Variants in EHHADH observed in about 807,000 individuals in gnomAD.
EHHADH encodes enoyl-CoA hydratase and 3-hydroxyacyl CoA dehydrogenase, also known as peroxisomal bifunctional enzyme.
A neutral mutation model predicts 64.4 loss-of-function variants in EHHADH; 48 were observed. The ratio of observed to expected loss-of-function variants is 0.75; its 90% CI spans 0.59 to 0.95. EHHADH has a LOEUF of 0.95. EHHADH is among the 40% of genes least tolerant of loss of function. The pLI is 0.00. For missense variants in EHHADH, 854 were observed against 876.6 expected (o/e 0.97, Z 0.33); for synonymous variants, 308 against 326.7 (o/e 0.94, Z 0.62).
At chr3:185,193,535 G>T in intron 6 of EHHADH, 48 bp from the exon 7 acceptor site, 2 of 1,581,484 alleles carry the variant, frequency 1.3e-6, no homozygotes, top group South Asian at 2.3e-5. Context: ...GTGGTATTGG[G>T]AACTGATAAA....
intron 5 of EHHADH, among the ~76,000 whole-genome samples, chr3:185,210,368 C>T (rs534269636): frequency 1.2e-4 from 19 of 152,088 alleles, no homozygotes; most frequent in African/African-American, 4.6e-4. Context: ...GAATCTTTGC[C>T]GGGCACAGTG....
intron 5 of EHHADH, among the ~76,000 whole-genome samples, chr3:185,210,463 G>A (rs1042071085): frequency 1.3e-4 from 20 of 151,786 alleles, no homozygotes; most frequent in Admixed American, 3.9e-4. Flanking sequence ...GTGAAACCCC[G>A]TCTCTACTAA....
chr3:185,192,696 A>C lies in EHHADH; in HGVS notation c.1702T>G (p.Leu568Val). Residue 568 changes from leucine (L) to valine (V), a missense_variant, in exon 7 of 7, where the codon TTA becomes GTA. Physicochemically the swap from Leu to Val is conservative, Grantham distance 32. Transcript: ENST00000231887. Reference protein sequence around the residue: ...YCPIPDVLCELGRFGQKTGKG... With the variant: ...YCPIPDVLCEVGRFGQKTGKG... Reference sequence around the variant, plus strand: ...CCTGTCTTCTGGCCAAATCGTCCTAATTCACAGAGCACATCAGGAATTGGG... The same window carrying C: ...CCTGTCTTCTGGCCAAATCGTCCTACTTCACAGAGCACATCAGGAATTGGG... The C allele has an allele frequency of 6.2e-7, 1 of 1,614,150 alleles. No individual in the cohort carries two copies. Among genetic ancestry groups the C allele is most frequent in the Middle Eastern group, 1.6e-4 (1 of 6,062 alleles).
intron 6 of EHHADH, among the ~76,000 whole-genome samples, chr3:185,201,079 A>T (rs978007742): frequency 2.6e-5 from 4 of 152,166 alleles, no homozygotes; most frequent in Non-Finnish European, 5.9e-5. Context: ...ACAAGGAAAG[A>T]TATGAGGTGG....
At chr3:185,235,657 T>C (rs573015041) in intron 2 of EHHADH, among the ~76,000 whole-genome samples, 195 bp from the exon 3 acceptor site, 23 of 152,196 alleles carry the variant, frequency 1.5e-4, no homozygotes, top group Non-Finnish European at 2.9e-4. Flanking sequence ...AACAAGTATA[T>C]TGGAGAATGT....
chr3:185,215,861 T>G (rs1051717322), intron 5 of EHHADH, among the ~76,000 whole-genome samples: 2 of 152,196 alleles, frequency 1.3e-5, no homozygotes, highest in African/African-American at 4.8e-5. Flanking sequence ...ATAATGATCA[T>G]TACTCTATAC....
intron 4 of EHHADH, among the ~76,000 whole-genome samples, chr3:185,229,209 T>A (rs1473162203): frequency 3.3e-5 from 5 of 152,258 alleles, no homozygotes; most frequent in Non-Finnish European, 7.3e-5. Flanking sequence ...GCTCTTTGCA[T>A]GCACTTTCAT....
chr3:185,217,755 T>G (rs1419603340), intron 5 of EHHADH, among the ~76,000 whole-genome samples: 1 of 100,098 alleles, frequency 1.0e-5, no homozygotes, highest in Non-Finnish European at 2.1e-5. Context: ...TTACCCAGCC[T>G]CAGGATTTTC....
chr3:185,238,884 C>T (rs570188208), intron 2 of EHHADH, among the ~76,000 whole-genome samples: 2 of 152,186 alleles, frequency 1.3e-5, no homozygotes, highest in South Asian at 4.1e-4. Context: ...AAAGAGATTT[C>T]CTAAATATTC....
chr3:185,192,876 C>T lies in EHHADH; in HGVS notation c.1522G>A (p.Val508Met). Residue 508 changes from valine (V) to methionine (M), a missense_variant, in exon 7 of 7, where the codon GTG becomes ATG. Val to Met is a conservative substitution (Grantham distance 21). Coordinates refer to ENST00000231887, the MANE Select transcript of EHHADH (RefSeq NM_001966.4). ...ATTTTAAAACCAAACTCTTCCAGCA[C>T]CTGATCTACCTCCTCTGGTTTGCTG... ...EGSKPEEVDQ[V>M]LEEFGFKMGP... 2.5e-6 allele frequency: 4 copies of T among 1,614,166 alleles called. No homozygotes were observed. Among genetic ancestry groups the T allele is most frequent in the African/African-American group, 1.3e-5 (1 of 75,054 alleles).
At chr3:185,209,902 G>A (rs1206774798) in intron 5 of EHHADH, among the ~76,000 whole-genome samples, 2 of 152,148 alleles carry the variant, frequency 1.3e-5, no homozygotes, top group Admixed American at 6.5e-5. Context: ...GTATCCAATA[G>A]GCCCACCAAT....
chr3:185,225,365 A>C (rs2108641712), intron 4 of EHHADH, among the ~76,000 whole-genome samples: 1 of 151,686 alleles, frequency 6.6e-6, no homozygotes, highest in East Asian at 1.9e-4. Flanking sequence ...TCTTTCTCTC[A>C]CATCTCGTAT....
At chr3:185,243,501 T>C (rs1487584184) in intron 2 of EHHADH, among the ~76,000 whole-genome samples, 1 of 152,202 alleles carries the variant, frequency 6.6e-6, no homozygotes, top group East Asian at 1.9e-4. Flanking sequence ...TTTTCTTGTT[T>C]TTCTAGTTCC....
Position 185,192,999 on chromosome 3 carries a change from TA to T in EHHADH, c.1398del (p.Lys468ArgfsTer6), listed in dbSNP as rs770668330. Reference protein sequence around the residue: ...IATVMNLSKKIKKIGVVVGNC... With the variant: ...IATVMNLSKKXKKIGVVVGNC... ...TTGCCTACAACGACTCCAATCTTTT[TA>T]ATCTTTTTTGATAAGTTCATAACAG... On this transcript the variant is annotated frameshift_variant, in exon 7 of 7. Transcript: ENST00000231887. LOFTEE classifies it high-confidence loss of function. 6.2e-7 allele frequency: 1 copy of T among 1,614,236 alleles called. No homozygotes were observed. Among genetic ancestry groups the T allele is most frequent in the South Asian group, 1.1e-5 (1 of 91,086 alleles).
At chr3:185,243,828 A>T (rs1236602484) in intron 2 of EHHADH, among the ~76,000 whole-genome samples, 2 of 152,202 alleles carry the variant, frequency 1.3e-5, no homozygotes, top group Admixed American at 6.5e-5. Flanking sequence ...TTTTGCGGTT[A>T]TTGCATAGAA....
chr3:185,194,800 C>CAAGAAAAAAAAAAAA lies in EHHADH; in HGVS notation c.911-1314_911-1313insTTTTTTTTTTTTCTT, dbSNP rs1718012962. Among the ~76,000 whole-genome samples, 3 of 29,302 alleles carry CAAGAAAAAAAAAAAA rather than the reference C, an allele frequency of 1.0e-4. 1 individual carries two copies. The highest frequency in any genetic ancestry group is 1.9e-4 in the Non-Finnish European group (3 of 15,840). The allele number at this position is 29,302 out of a possible 152,430, so 19.2% of individuals were successfully genotyped here. A position where few individuals can be genotyped will look rare whatever the true frequency, so the allele number is the denominator to read the frequency against. Reference sequence around the variant, plus strand: ...TATGTGACAGAGTGAGACCCTGTCTCAAAAAAAAAAAAAAAAAAAAAAAAA... The same window carrying CAAGAAAAAAAAAAAA: ...TATGTGACAGAGTGAGACCCTGTCTCAAGAAAAAAAAAAAAAAAAAAAAAAAAAAAAAAAAAAAAA... On this transcript the variant is annotated intron_variant, in intron 6 of 6. Transcript: ENST00000231887.
At position 185,224,933 on chromosome 3, in the gene EHHADH, G is replaced by A. The variant is rs557575954; in HGVS notation, c.463+4499C>T. The stretch of plus-strand genomic sequence containing the variant: ...CTCAAGATCTTTAATGTAATCACAC[G>A]TACAAAGGTTATTTTGAATGTAACA... On this transcript the variant is annotated intron_variant, in intron 4 of 6. Coordinates refer to ENST00000231887, the MANE Select transcript of EHHADH (RefSeq NM_001966.4). 2.6e-5 allele frequency among the ~76,000 whole-genome samples: 4 copies of A among 152,268 alleles called. No individual in the cohort carries two copies. The South Asian group carries it at 6.2e-4, about 24-fold the overall frequency.
intron 3 of EHHADH, among the ~76,000 whole-genome samples, chr3:185,230,598 A>T (rs1719125065): frequency 6.6e-6 from 1 of 151,220 alleles, no homozygotes; most frequent in Non-Finnish European, 1.5e-5. Context: ...TTTATATGAA[A>T]TATCCAGAAT....
rs141273813 is a variant in EHHADH, at chr3:185,191,455, AAAGAG to A, written c.*766_*770del. 8.7e-4 allele frequency: 133 copies of A among 152,338 alleles called. No homozygotes were observed. The highest frequency in any genetic ancestry group is 3.1e-3 in the African/African-American group (128 of 41,586). 9.4% of individuals were successfully genotyped at this position (152,338 alleles called of 1,614,324 possible). A position where few individuals can be genotyped will look rare whatever the true frequency, so the allele number is the denominator to read the frequency against. On this transcript the variant is annotated 3_prime_UTR_variant, in exon 7 of 7. Coordinates refer to ENST00000231887, the MANE Select transcript of EHHADH (RefSeq NM_001966.4). ...TTTAACTACACAAGGCAAAAAGTAA[AAAGAG>A]AAGAACTCTTACAACAAAATCATAC...
Sources: allele counts gnomAD v4.1 joint callset (sites outside exome capture counted in the v4.1 genomes callset), GRCh38; gene constraint gnomAD v4.1.1; transcripts MANE v1.5; gene names NCBI Gene and HGNC (gene_info 2026-07-23, HGNC 2026-07-21).